The following SLC47A1 variants were observed in gnomAD, a reference collection of about 807,000 sequenced individuals.
SLC47A1 encodes solute carrier family 47 member 1.
A neutral mutation model predicts 65.8 loss-of-function variants in SLC47A1; 58 were observed. The ratio of observed to expected loss-of-function variants is 0.88; its 90% CI spans 0.71 to 1.10. The LOEUF (loss-of-function observed/expected upper bound fraction) is 1.10. SLC47A1 is among the 50% of genes least tolerant of loss of function. The pLI is 0.00. For synonymous variants in SLC47A1, 285 were observed against 295.0 expected (o/e 0.97, Z 0.35); for missense variants, 706 against 719.2 (o/e 0.98, Z 0.21).
intron 10 of SLC47A1, 79 bp downstream of exon 10, chr17:19,556,141 A>G: frequency 6.8e-7 from 1 of 1,472,546 alleles, no homozygotes; most frequent in South Asian, 1.2e-5. Context: ...GGATGAGCAC[A>G]GGCATTCGTA....
Position 19,560,275 on chromosome 17 carries a change from A to G in SLC47A1, c.1009A>G (p.Thr337Ala). ...CATGGAGCAGGCACGGAAGTCCTCT[A>G]CCGTTTCCCTGCTGATTACAGGTGC... ...GDMEQARKSS[T>A]VSLLITVLFA... Residue 337 changes from threonine (T) to alanine (A), a missense_variant, in exon 11 of 17, where the codon ACC becomes GCC. By Grantham distance (58) the Thr-to-Ala change is moderately conservative. Coordinates refer to ENST00000270570, the MANE Select transcript of SLC47A1 (RefSeq NM_018242.3). 6.2e-7 allele frequency: 1 copy of G among 1,613,694 alleles called. No homozygotes were observed. Among genetic ancestry groups the G allele is most frequent in the East Asian group, 2.2e-5 (1 of 44,866 alleles).
intron 3 of SLC47A1, among the ~76,000 whole-genome samples, chr17:19,547,716 CTTTTTTTTTTTT>C (rs1180263887): frequency 5.8e-5 from 4 of 68,588 alleles, no homozygotes; most frequent in East Asian, 4.6e-4. Flanking sequence ...CCATGGGCTT[CTTTTTTTTTTTT>C]TTTTTTTTTT....
At chr17:19,557,866 T>C (rs1218209773) in intron 10 of SLC47A1, 1 of 180,138 alleles carries the variant, frequency 5.6e-6, no homozygotes, top group African/African-American at 2.5e-5. Context: ...TGCTCAATAA[T>C]TATTTGTAAA....
intron 15 of SLC47A1, 143 bp from the exon 16 acceptor site, chr17:19,572,637 G>T: frequency 1.4e-6 from 1 of 720,870 alleles, no homozygotes. Flanking sequence ...CAATCTTTAT[G>T]AAAGATGACC....
intron 12 of SLC47A1, among the ~76,000 whole-genome samples, chr17:19,562,211 T>G (rs944006631): frequency 2.0e-5 from 3 of 152,188 alleles, no homozygotes; most frequent in Non-Finnish European, 4.4e-5. Flanking sequence ...CACATTTGAC[T>G]TTTGACTTCA....
intron 10 of SLC47A1, among the ~76,000 whole-genome samples, chr17:19,559,430 C>T (rs1425425899): frequency 6.6e-6 from 1 of 152,184 alleles, no homozygotes; most frequent in East Asian, 1.9e-4. Context: ...GCTGAGGTTG[C>T]AGGATCGTTT....
chr17:19,534,313 T>G (rs977963083), intron 1 of SLC47A1: 1 of 453,404 alleles, frequency 2.2e-6, no homozygotes, highest in Non-Finnish European at 3.8e-6. Flanking sequence ...GAACGGCTGG[T>G]ACGCGCCCGG....
At chr17:19,543,665 C>A (rs1404239205) in intron 2 of SLC47A1, among the ~76,000 whole-genome samples, 1 of 152,134 alleles carries the variant, frequency 6.6e-6, no homozygotes, top group African/African-American at 2.4e-5. Flanking sequence ...GATGCAAACC[C>A]CCAAAACCAG....
chr17:19,533,923 C>T lies in SLC47A1; in HGVS notation c.-17C>T. The T allele has an allele frequency of 6.1e-6, 9 of 1,467,438 alleles. No individual in the cohort carries two copies. The highest frequency in any genetic ancestry group is 8.1e-6 in the Non-Finnish European group (9 of 1,110,682). The allele number at this position is 1,467,438 out of a possible 1,614,324, so 90.9% of individuals were successfully genotyped here. On this transcript the variant is annotated 5_prime_UTR_variant, in exon 1 of 17. Transcript: ENST00000270570. ...ACTGCCGGCCTCCGCGCTACCCGGC[C>T]GCAGCGCGCGAGTCACATGGAAGCT...
intron 16 of SLC47A1, among the ~76,000 whole-genome samples, chr17:19,576,036 A>G (rs2084437087): frequency 6.6e-6 from 1 of 151,822 alleles, no homozygotes; most frequent in Admixed American, 6.6e-5. Flanking sequence ...TTGCAGAATG[A>G]ATGGATTGGG....
chr17:19,540,877 C>CACACACA (rs59709153), intron 1 of SLC47A1, among the ~76,000 whole-genome samples: 2 of 148,548 alleles, frequency 1.3e-5, no homozygotes, highest in South Asian at 2.1e-4. Context: ...CACACACACA[C>CACACACA]CCCTAGGGTT....
chr17:19,554,067 T>G (rs1916532430), intron 6 of SLC47A1, among the ~76,000 whole-genome samples: 1 of 151,490 alleles, frequency 6.6e-6, no homozygotes, highest in Admixed American at 6.6e-5. Context: ...GGCCAGTGGG[T>G]TTGCAGTTGT....
intron 10 of SLC47A1, among the ~76,000 whole-genome samples, chr17:19,558,467 CT>C (rs2152315041): frequency 6.8e-6 from 1 of 146,056 alleles, no homozygotes; most frequent in African/African-American, 2.5e-5. Flanking sequence ...TTTTATTTTA[CT>C]TATTTTTTTT....
At chr17:19,573,692 T>C (rs1320707657) in intron 16 of SLC47A1, among the ~76,000 whole-genome samples, 2 of 150,514 alleles carry the variant, frequency 1.3e-5, no homozygotes, top group Non-Finnish European at 3.0e-5. Context: ...CTGGTTATCT[T>C]TGATTATGTT....
In SLC47A1 at chr17:19,534,059, C is replaced by CAG; in HGVS notation, c.120_121insAG (p.Leu41SerfsTer11). 1 of 1,543,468 alleles carries CAG rather than the reference C, an allele frequency of 6.5e-7. No homozygotes were observed. Among genetic ancestry groups the CAG allele is most frequent in the Non-Finnish European group, 8.7e-7 (1 of 1,145,284 alleles). On this transcript the variant is annotated frameshift_variant, in exon 1 of 17. Coordinates refer to ENST00000270570, the MANE Select transcript of SLC47A1 (RefSeq NM_018242.3). LOFTEE classifies it high-confidence loss of function. ...GAGAAGAGCTGCGGGCGCTCTTGGT[C>CAG]CTGGCTGGCCCCGCGGTGAGTAAGG...
intron 16 of SLC47A1, among the ~76,000 whole-genome samples, chr17:19,573,527 C>CT (rs34229068): frequency 0.025 from 3,637 of 147,650 alleles, 141 homozygotes; most frequent in South Asian, 0.097. Flanking sequence ...TAAAGAAAAA[C>CT]TTTTTTTTTT....
intron 10 of SLC47A1, chr17:19,557,516 T>G (rs1916650593): frequency 4.0e-6 from 2 of 499,580 alleles, no homozygotes; most frequent in African/African-American, 1.9e-5. Context: ...AAAAAATATC[T>G]TCATATACTT....
intron 14 of SLC47A1, chr17:19,570,932 T>C (rs1362164593): frequency 6.6e-6 from 1 of 152,304 alleles, no homozygotes; most frequent in African/African-American, 2.4e-5. Context: ...GCCTTTGGTG[T>C]TCTCCAGTCA....
chr17:19,549,000 T>A (rs971323314), intron 4 of SLC47A1, among the ~76,000 whole-genome samples: 3 of 152,032 alleles, frequency 2.0e-5, no homozygotes, highest in Non-Finnish European at 4.4e-5. Context: ...AGTAGGAGGG[T>A]GCTCCTGGTA....
Sources: gnomAD v4.1 joint callset for allele counts (sites outside exome capture counted in the v4.1 genomes callset) on GRCh38, gnomAD v4.1.1 for gene constraint, MANE v1.5 for transcripts, NCBI Gene and HGNC (gene_info 2026-07-23, HGNC 2026-07-21) for gene names.